Variants in GRK5 observed in about 807,000 individuals in gnomAD.
The protein encoded by GRK5 is G protein-coupled receptor kinase 5.
In GRK5, 40 loss-of-function variants were observed where a neutral mutation model predicts 78.4. The observed-to-expected ratio is 0.51, with a 90% CI of 0.40 to 0.66. The LOEUF (loss-of-function observed/expected upper bound fraction) is 0.66, where lower values mean the gene tolerates loss of function less well. GRK5 is among the 30% of genes least tolerant of loss of function. The pLI is 0.00. For synonymous variants in GRK5, 289 were observed against 296.8 expected (o/e 0.97, Z 0.27); for missense variants, 598 against 759.9 (o/e 0.79, Z 2.50).
chr10:119,442,088 G>C lies in GRK5; in HGVS notation c.1057G>C (p.Ala353Pro). The change falls in exon 11 of 16, where the codon GCT (alanine) becomes CCT (proline). Residue 353 changes from alanine to proline, a missense_variant and splice_region_variant. By Grantham distance (27) the Ala-to-Pro change is conservative. Transcript: ENST00000392870. ...RGRVGTVGYM[A>P]PEVLNNQRYG... ...CCGGGTGGGCACTGTTGGCTACATG[G>C]GTGAGTGCTGGGCTGCCTGTGTCAA... 1.2e-6 allele frequency: 2 copies of C among 1,613,156 alleles called. No homozygotes were observed. The highest frequency in any genetic ancestry group is 2.2e-5 in the East Asian group (1 of 44,874).
Position 119,349,171 on chromosome 10 carries a change from G to A in GRK5, c.148+22560G>A, listed in dbSNP as rs115946328. Reference sequence around the variant, plus strand: ...TGACCTGCTGGAGAAGAGGCAGGAGGAAGGAAGGTGCCGTGGTCAGCATGG... The same window carrying A: ...TGACCTGCTGGAGAAGAGGCAGGAGAAAGGAAGGTGCCGTGGTCAGCATGG... On this transcript the variant is annotated intron_variant, in intron 2 of 15. Transcript: ENST00000392870. 8.1e-3 allele frequency among the ~76,000 whole-genome samples: 1,235 copies of A among 152,334 alleles called. 21 individuals are homozygous for A. Among genetic ancestry groups the A allele is most frequent in the African/African-American group, 0.028 (1,171 of 41,564 alleles).
chr10:119,224,500 C>A (rs146193184), intron 1 of GRK5, among the ~76,000 whole-genome samples: 3,054 of 152,242 alleles, frequency 0.02, 73 homozygotes, highest in South Asian at 0.059. Flanking sequence ...CCTTCTGCCT[C>A]CCAGGTTCAA....
intron 4 of GRK5, 148 bp downstream of exon 4, chr10:119,396,920 C>G (rs910663431): frequency 5.6e-6 from 4 of 715,674 alleles, no homozygotes; most frequent in South Asian, 1.6e-5. Context: ...AGTTCCCATC[C>G]TCCCCCAGAG....
intron 5 of GRK5, among the ~76,000 whole-genome samples, chr10:119,423,514 T>G (rs536008617): frequency 7.8e-4 from 119 of 152,322 alleles, no homozygotes; most frequent in South Asian, 2.1e-3. Flanking sequence ...GACAGAGGAA[T>G]GTGCAAACAT....
Position 119,216,594 on chromosome 10 carries a change from A to C in GRK5, c.52+8625A>C, listed in dbSNP as rs375976040. 3.4e-3 allele frequency among the ~76,000 whole-genome samples: 512 copies of C among 152,014 alleles called. 1 individual carries two copies. Among genetic ancestry groups the C allele is most frequent in the African/African-American group, 0.012 (488 of 41,476 alleles). ...GAGGCTGAGGCAGGAGGATTGCTTGAGGCCAGGAGTTCAAGACCAGCGTGG... is the reference window on the plus strand; with the variant it reads ...GAGGCTGAGGCAGGAGGATTGCTTGCGGCCAGGAGTTCAAGACCAGCGTGG... On this transcript the variant is annotated intron_variant, in intron 1 of 15. Coordinates refer to ENST00000392870, the MANE Select transcript of GRK5 (RefSeq NM_005308.3).
At chr10:119,288,279 G>T (rs968052258) in intron 1 of GRK5, among the ~76,000 whole-genome samples, 3 of 152,214 alleles carry the variant, frequency 2.0e-5, no homozygotes, top group Non-Finnish European at 4.4e-5. Flanking sequence ...CAGAAGGTCT[G>T]TGGACAGGGC....
At chr10:119,324,140 C>T (rs1850634579) in intron 1 of GRK5, among the ~76,000 whole-genome samples, 2 of 152,362 alleles carry the variant, frequency 1.3e-5, no homozygotes, top group East Asian at 3.9e-4. Flanking sequence ...CTCTTTGATC[C>T]TCTGAGAATT....
Position 119,452,801 on chromosome 10 carries a change from A to G in GRK5, c.1535A>G (p.Gln512Arg). The change falls in exon 14 of 16, where the codon CAA becomes CGA. Residue 512 changes from glutamine to arginine, a missense_variant. Transcript: ENST00000392870. The surrounding 1 kb of genome is among the most constrained non-coding windows in gnomAD (Gnocchi z 4.4). ...ACGGGCTCTGTGTCCATCCCATGGC[A>G]AAACGAGGTGAGCAGGGCAGACCAC... ...FSTGSVSIPW[Q>R]NEMIETECFK... 6.2e-7 allele frequency: 1 copy of G among 1,613,950 alleles called. No homozygotes were observed. The highest frequency in any genetic ancestry group is 8.5e-7 in the Non-Finnish European group (1 of 1,179,956).
intron 4 of GRK5, among the ~76,000 whole-genome samples, chr10:119,405,209 G>C (rs74522436): frequency 0.058 from 8,805 of 152,188 alleles, 352 homozygotes; most frequent in East Asian, 0.17. Flanking sequence ...TGGACAGGTG[G>C]GTTGGGGCAG....
intron 1 of GRK5, among the ~76,000 whole-genome samples, chr10:119,319,793 T>C (rs1850552755): frequency 6.6e-6 from 1 of 152,254 alleles, no homozygotes; most frequent in African/African-American, 2.4e-5. Flanking sequence ...CTCAGCTTTC[T>C]CATCTGTGAA....
At chr10:119,279,508 G>T (rs925172787) in intron 1 of GRK5, among the ~76,000 whole-genome samples, 1 of 152,134 alleles carries the variant, frequency 6.6e-6, no homozygotes, top group Non-Finnish European at 1.5e-5. Context: ...AGGAGGGCTC[G>T]GTGCTACTAG....
rs1414110991 is a variant in GRK5 at position 119,458,787 on chromosome 10, C to G, written c.*3720C>G. 1 of 152,242 alleles carries G rather than the reference C, an allele frequency of 6.6e-6. No homozygotes were observed. The highest frequency in any genetic ancestry group is 2.4e-5 in the African/African-American group (1 of 41,460). 9.4% of individuals were successfully genotyped at this position (152,242 alleles called of 1,614,324 possible). A position where few individuals can be genotyped will look rare whatever the true frequency, so the allele number is the denominator to read the frequency against. ...TCTCTTCCTCCACACCCTGTCCTTTCCCCAAAGGCTCGTGTTATCAGTTCC... is the reference window on the plus strand; with the variant it reads ...TCTCTTCCTCCACACCCTGTCCTTTGCCCAAAGGCTCGTGTTATCAGTTCC... On this transcript the variant is annotated 3_prime_UTR_variant, in exon 16 of 16. Transcript: ENST00000392870.
intron 1 of GRK5, among the ~76,000 whole-genome samples, chr10:119,225,456 T>A (rs1394877912): frequency 1.3e-5 from 2 of 152,158 alleles, no homozygotes; most frequent in Non-Finnish European, 2.9e-5. Context: ...TTTTAAGGCT[T>A]GTTGTCGGGG....
At chr10:119,453,312 C>T (rs757976910) in intron 15 of GRK5, 36 bp downstream of exon 15, 172 of 1,611,850 alleles carry the variant, frequency 1.1e-4, no homozygotes, top group Non-Finnish European at 1.3e-4. Flanking sequence ...CTGGCATCAG[C>T]TCCGAGACCC....
At chr10:119,283,393 C>T (rs952525908) in intron 1 of GRK5, among the ~76,000 whole-genome samples, 2 of 152,196 alleles carry the variant, frequency 1.3e-5, no homozygotes, top group Non-Finnish European at 2.9e-5. Flanking sequence ...CCATTCCCAC[C>T]TCGTCCCCTA....
chr10:119,438,185 C>G (rs1852960884), intron 9 of GRK5, among the ~76,000 whole-genome samples: 1 of 152,126 alleles, frequency 6.6e-6, no homozygotes, highest in African/African-American at 2.4e-5. Flanking sequence ...GTTTTGACAT[C>G]TGGAGTGGGT....
At chr10:119,317,092 C>G (rs1850499416) in intron 1 of GRK5, among the ~76,000 whole-genome samples, 1 of 152,176 alleles carries the variant, frequency 6.6e-6, no homozygotes, top group African/African-American at 2.4e-5. Flanking sequence ...CAGTCAGATT[C>G]TTTATTATAC....
In GRK5 at chr10:119,435,121, C is replaced by CTG. The variant is rs538623872; in HGVS notation, c.739-1529_739-1528dup. Among the ~76,000 whole-genome samples the CTG allele has an allele frequency of 2.0e-3, 309 of 152,356 alleles. 1 individual carries two copies. In the Middle Eastern group the frequency reaches 0.02, roughly 10 times the overall value. On this transcript the variant is annotated intron_variant, in intron 8 of 15. Coordinates refer to ENST00000392870, the MANE Select transcript of GRK5 (RefSeq NM_005308.3). ...CTTGGCTGCACACAGCACGGGGACC[C>CTG]TGGACTCAGCCCGTGAAACCACTTT... is the stretch of plus-strand genomic sequence containing the variant.
rs950511205 is a variant in GRK5, at chr10:119,287,485, C to T, written c.53-39031C>T. ...AAGGGAGTGAAAAGCTACATCTGTCCGTCCATTATTAATAATTCATCACAA... is the reference window on the plus strand; with the variant it reads ...AAGGGAGTGAAAAGCTACATCTGTCTGTCCATTATTAATAATTCATCACAA... On this transcript the variant is annotated intron_variant, in intron 1 of 15. Coordinates refer to ENST00000392870, the MANE Select transcript of GRK5 (RefSeq NM_005308.3). Among the ~76,000 whole-genome samples, 5 of 152,082 alleles carry T rather than the reference C, an allele frequency of 3.3e-5. No individual in the cohort carries two copies. In the East Asian group the frequency reaches 7.7e-4, roughly 23 times the overall value.
Sources: allele counts gnomAD v4.1 joint callset (sites outside exome capture counted in the v4.1 genomes callset), GRCh38; gene constraint gnomAD v4.1.1; non-coding constraint Gnocchi (gnomAD v3.1); transcripts MANE v1.5; gene names NCBI Gene and HGNC (gene_info 2026-07-23, HGNC 2026-07-21).